CAST: variants seen among roughly 807,000 people sequenced by gnomAD.
CAST encodes the protein calpastatin.
CAST carries 76 observed loss-of-function variants against 119.6 expected under a neutral mutation model. The ratio of observed to expected loss-of-function variants is 0.64; its 90% CI spans 0.53 to 0.77. CAST has a LOEUF of 0.77. Ranked by LOEUF, CAST falls within the 30% of genes least tolerant of loss-of-function variation. CAST has a pLI of 0.00. For synonymous variants in CAST, 319 were observed against 331.6 expected (o/e 0.96, Z 0.41); for missense variants, 953 against 946.5 (o/e 1.01, Z -0.09).
intron 1 of CAST, among the ~76,000 whole-genome samples, chr5:96,621,674 A>G (rs1157321061): frequency 6.6e-6 from 1 of 152,200 alleles, no homozygotes; most frequent in African/African-American, 2.4e-5. Flanking sequence ...CATGGGGATT[A>G]TGAGGATTAC....
the CAST span, among the ~76,000 whole-genome samples, chr5:96,121,957 G>A: frequency 6.6e-6 from 1 of 151,778 alleles, no homozygotes; most frequent in African/African-American, 2.4e-5. Context: ...CATTCTTTCA[G>A]TAAGAATATC....
chr5:96,723,875 G>A (rs958291579), intron 4 of CAST, among the ~76,000 whole-genome samples: 2 of 152,108 alleles, frequency 1.3e-5, no homozygotes, highest in East Asian at 1.9e-4. Context: ...ATATTACTAT[G>A]CTATCCCTGT....
the CAST span, among the ~76,000 whole-genome samples, chr5:96,088,829 G>A: frequency 1.9e-4 from 29 of 151,986 alleles, no homozygotes; most frequent in Non-Finnish European, 4.0e-4. Context: ...TCCTGCTTGG[G>A]GCAGGCATCC....
At chr5:96,489,955 T>C in the CAST span, among the ~76,000 whole-genome samples, 1 of 152,232 alleles carries the variant, frequency 6.6e-6, no homozygotes, top group African/African-American at 2.4e-5. Flanking sequence ...GTCACTTCTA[T>C]GTAATTTTAA....
chr5:96,425,040 G>GAAAGAAAGAAAGAAAA, the CAST span, among the ~76,000 whole-genome samples: 3 of 140,240 alleles, frequency 2.1e-5, no homozygotes, highest in African/African-American at 8.3e-5. Flanking sequence ...AAGAAAGAAA[G>GAAAGAAAGAAAGAAAA]AAAGAAAGAA....
At chr5:96,438,283 C>T in the CAST span, among the ~76,000 whole-genome samples, 4 of 152,050 alleles carry the variant, frequency 2.6e-5, no homozygotes, top group Admixed American at 6.6e-5. Flanking sequence ...TTGTGTATAC[C>T]GTTCATGCAG....
At chr5:96,567,814 G>A (rs574832126) in intron 1 of CAST, among the ~76,000 whole-genome samples, 2 of 152,292 alleles carry the variant, frequency 1.3e-5, no homozygotes, top group Admixed American at 1.3e-4. Flanking sequence ...TTTAGAGCTT[G>A]TAGTTGGGAA....
At chr5:96,720,608 C>T (rs1048774600) in intron 3 of CAST, among the ~76,000 whole-genome samples, 2 of 152,226 alleles carry the variant, frequency 1.3e-5, no homozygotes, top group Non-Finnish European at 2.9e-5. Flanking sequence ...GGGGCCAAGG[C>T]CCTCAGCTAA....
At chr5:96,439,056 A>G in the CAST span, among the ~76,000 whole-genome samples, 1 of 152,166 alleles carries the variant, frequency 6.6e-6, no homozygotes, top group Non-Finnish European at 1.5e-5. Flanking sequence ...CACTTAATAT[A>G]CTGATATATT....
chr5:96,363,062 GT>G, the CAST span, among the ~76,000 whole-genome samples: 1 of 148,456 alleles, frequency 6.7e-6, no homozygotes, highest in Non-Finnish European at 1.5e-5. Flanking sequence ...TGGCTAGCCA[GT>G]TTTCCCAGCA....
chr5:96,263,511 C>G, the CAST span, among the ~76,000 whole-genome samples: 4 of 151,842 alleles, frequency 2.6e-5, no homozygotes, highest in Non-Finnish European at 5.9e-5. Context: ...CAACAATCAC[C>G]TGTTGAGAAT....
chr5:96,485,649 C>A, the CAST span, among the ~76,000 whole-genome samples: 2 of 152,064 alleles, frequency 1.3e-5, no homozygotes, highest in African/African-American at 2.4e-5. Flanking sequence ...CCTTAGAAGT[C>A]AGAGAAGATA....
the CAST span, among the ~76,000 whole-genome samples, chr5:95,987,199 C>T: frequency 1.3e-5 from 2 of 152,154 alleles, no homozygotes; most frequent in East Asian, 3.8e-4. Flanking sequence ...CTAATACAAA[C>T]ACCAGCTCTG....
chr5:96,074,252 T>A, the CAST span, among the ~76,000 whole-genome samples: 1 of 152,186 alleles, frequency 6.6e-6, no homozygotes, highest in Non-Finnish European at 1.5e-5. Flanking sequence ...TAACTGATGT[T>A]TTGGCCTGGA....
chr5:96,362,142 G>T, the CAST span, among the ~76,000 whole-genome samples: 2 of 152,170 alleles, frequency 1.3e-5, no homozygotes, highest in Middle Eastern at 3.4e-3. Flanking sequence ...CTTCATCCAT[G>T]TCCCTACAAA....
intron 1 of CAST, among the ~76,000 whole-genome samples, chr5:96,641,248 T>C (rs954958527): frequency 3.3e-5 from 5 of 152,164 alleles, no homozygotes; most frequent in African/African-American, 4.8e-5. Flanking sequence ...AAATTTTCTT[T>C]TCTAATTTTG....
chr5:96,013,581 A>ATG, the CAST span, among the ~76,000 whole-genome samples: 1 of 152,060 alleles, frequency 6.6e-6, no homozygotes, highest in African/African-American at 2.4e-5. Flanking sequence ...CTTCTGAGAG[A>ATG]TGTGTTGTTA....
intron 2 of CAST, among the ~76,000 whole-genome samples, chr5:96,681,420 T>C (rs1285143270): frequency 1.3e-5 from 2 of 152,348 alleles, no homozygotes; most frequent in East Asian, 3.9e-4. Context: ...TTTTTTCTTT[T>C]GTTCTTACAA....
At chr5:96,433,206 G>A in the CAST span, 3 of 690,694 alleles carry the variant, frequency 4.3e-6, 1 homozygote, top group East Asian at 5.4e-5. Context: ...GAGGCTGGGC[G>A]GCGGCGAGCG....
Sources: allele counts gnomAD v4.1 joint callset (sites outside exome capture counted in the v4.1 genomes callset), GRCh38; gene constraint gnomAD v4.1.1; transcripts MANE v1.5; gene names NCBI Gene and HGNC (gene_info 2026-07-23, HGNC 2026-07-21).